The following JAZF1 variants were observed in gnomAD, a reference collection of about 807,000 sequenced individuals.
The protein encoded by JAZF1 is juxtaposed with another zinc finger protein 1.
JAZF1 carries 8 observed loss-of-function variants against 26.4 expected under a neutral mutation model. The observed-to-expected ratio is 0.30, with a 90% CI of 0.18 to 0.55. JAZF1 has a LOEUF of 0.55. Ranked by LOEUF, JAZF1 falls within the 20% of genes least tolerant of loss-of-function variation. The probability of loss-of-function intolerance (pLI) is 0.94; values close to 1 mark genes in which losing one functional copy is unlikely to be tolerated. For missense variants in JAZF1, 199 were observed against 322.0 expected, an observed-to-expected ratio of 0.62 and a Z score of 2.92; for synonymous variants, 126 against 122.3, an observed-to-expected ratio of 1.03 and a Z score of -0.20.
Position 28,140,923 on chromosome 7 carries a change from A to G in JAZF1, c.115+39540T>C, listed in dbSNP as rs376195894. On this transcript the variant is annotated intron_variant, in intron 1 of 4. Coordinates refer to ENST00000283928, the MANE Select transcript of JAZF1 (RefSeq NM_175061.4). ...AGCCATATAAGTGATGCTCAAATAT[A>G]ATTTGAACTGTTATAATGTTTTGAA... is the stretch of plus-strand genomic sequence containing the variant. 3.3e-5 allele frequency among the ~76,000 whole-genome samples: 5 copies of G among 152,332 alleles called. No individual in the cohort carries two copies. In the East Asian group the frequency reaches 9.6e-4, roughly 29 times the overall value.
chr7:27,972,037 T>C (rs545987228), intron 2 of JAZF1, among the ~76,000 whole-genome samples: 1 of 152,304 alleles, frequency 6.6e-6, no homozygotes, highest in Admixed American at 6.5e-5. Context: ...TACAACCTAC[T>C]GTGTAACAGT....
At chr7:27,927,341 T>A (rs1041280913) in intron 2 of JAZF1, among the ~76,000 whole-genome samples, 1 of 152,212 alleles carries the variant, frequency 6.6e-6, no homozygotes. Flanking sequence ...GAAGGTCACT[T>A]AGGAACATTA....
intron 2 of JAZF1, among the ~76,000 whole-genome samples, chr7:27,937,446 C>T (rs1784777416): frequency 6.6e-6 from 1 of 152,124 alleles, no homozygotes; most frequent in African/African-American, 2.4e-5. Flanking sequence ...GAGGCGGTTG[C>T]CATTAGTATT....
chr7:28,088,709 T>C (rs1784247112), intron 1 of JAZF1, among the ~76,000 whole-genome samples: 1 of 152,214 alleles, frequency 6.6e-6, no homozygotes. Flanking sequence ...TTCTCCTCTG[T>C]TAGAACTCTG....
At position 28,180,491 on chromosome 7, in the gene JAZF1, G is replaced by A. The variant is rs1277001584; in HGVS notation, c.87C>T (p.Leu29=). 2 of 1,611,166 alleles carry A rather than the reference G, an allele frequency of 1.2e-6. 1 individual carries two copies. Among genetic ancestry groups the A allele is most frequent in the South Asian group, 2.2e-5 (2 of 90,882 alleles). ...TGTGGTTGTCCTCGATGTGCTCGAT[G>A]AGGTCGGCCAGGGTGGGGAAGTGGA... ...CGLHFPTLAD[L]IEHIEDNHID... Residue 29 remains leucine, a synonymous_variant, in exon 1 of 5, where the codon CTC becomes CTT. Coordinates refer to ENST00000283928, the MANE Select transcript of JAZF1 (RefSeq NM_175061.4).
At chr7:27,926,684 C>T (rs189884428) in intron 2 of JAZF1, among the ~76,000 whole-genome samples, 2 of 152,318 alleles carry the variant, frequency 1.3e-5, no homozygotes, top group African/African-American at 4.8e-5. Flanking sequence ...AAGAATACTA[C>T]AAGACTCATT....
intron 3 of JAZF1, among the ~76,000 whole-genome samples, chr7:27,859,123 A>T (rs1197905824): frequency 6.6e-6 from 1 of 152,236 alleles, no homozygotes; most frequent in East Asian, 1.9e-4. Context: ...ATATGAAAAA[A>T]AGCTCATCAT....
intron 3 of JAZF1, among the ~76,000 whole-genome samples, chr7:27,887,706 G>A (rs1280853469): frequency 6.6e-6 from 1 of 152,164 alleles, no homozygotes; most frequent in Admixed American, 6.5e-5. Flanking sequence ...GTGAACCACT[G>A]TGCCTGGCCA....
chr7:27,933,771 T>C (rs1784722203), intron 2 of JAZF1, among the ~76,000 whole-genome samples: 1 of 152,166 alleles, frequency 6.6e-6, no homozygotes, highest in African/African-American at 2.4e-5. Context: ...GGCTACCTGC[T>C]GAGTTCTGGC....
intron 1 of JAZF1, among the ~76,000 whole-genome samples, chr7:28,095,193 C>T (rs1001402957): frequency 6.6e-6 from 1 of 152,214 alleles, no homozygotes; most frequent in African/African-American, 2.4e-5. Flanking sequence ...AATCATTCTA[C>T]ATATTTGTTC....
intron 1 of JAZF1, among the ~76,000 whole-genome samples, chr7:28,172,530 T>G (rs1413395074): frequency 1.3e-5 from 2 of 152,260 alleles, no homozygotes; most frequent in Non-Finnish European, 2.9e-5. Flanking sequence ...AATGGTGCAT[T>G]TCTAATAGTA....
intron 1 of JAZF1, among the ~76,000 whole-genome samples, chr7:28,114,330 C>A (rs1451331754): frequency 2.6e-5 from 4 of 152,036 alleles, no homozygotes; most frequent in East Asian, 3.9e-4. Context: ...CAGATAATTC[C>A]CATCTTCCAG....
intron 1 of JAZF1, among the ~76,000 whole-genome samples, chr7:28,062,171 T>G (rs1783808095): frequency 6.6e-6 from 1 of 152,164 alleles, no homozygotes; most frequent in Admixed American, 6.5e-5. Context: ...CGTCAGGTCA[T>G]CACTGTTCAA....
intron 1 of JAZF1, chr7:28,020,629 A>C (rs1782991632): frequency 2.1e-6 from 1 of 471,248 alleles, no homozygotes; most frequent in Non-Finnish European, 4.4e-6. Context: ...CAAAAGCATC[A>C]AACGTTTTCT....
At chr7:27,946,463 G>GA in intron 2 of JAZF1, among the ~76,000 whole-genome samples, 1 of 152,172 alleles carries the variant, frequency 6.6e-6, no homozygotes, top group Non-Finnish European at 1.5e-5. Context: ...TGTTTTAACT[G>GA]AAATTCTCCT....
At chr7:27,926,495 T>C (rs546913943) in intron 2 of JAZF1, among the ~76,000 whole-genome samples, 1 of 152,346 alleles carries the variant, frequency 6.6e-6, no homozygotes, top group African/African-American at 2.4e-5. Context: ...CAAGAAGACA[T>C]CAGACTTTCT....
At chr7:27,940,325 G>C (rs906037703) in intron 2 of JAZF1, among the ~76,000 whole-genome samples, 9 of 152,000 alleles carry the variant, frequency 5.9e-5, no homozygotes, top group African/African-American at 2.2e-4. Context: ...GCCACCCCCC[G>C]TGATCAGCCT....
At position 28,033,205 on chromosome 7, in the gene JAZF1, G is replaced by A. The variant is rs77809231; in HGVS notation, c.116-41224C>T. ...TCAAGTGAAAATAAGGAGACTGCAC[G>A]GCCACTGGGATGGAACATCGATTAT... is the stretch of plus-strand genomic sequence containing the variant. On this transcript the variant is annotated intron_variant, in intron 1 of 4. Coordinates refer to ENST00000283928, the MANE Select transcript of JAZF1 (RefSeq NM_175061.4). Among the ~76,000 whole-genome samples, 833 of 152,184 alleles carry A rather than the reference G, an allele frequency of 5.5e-3. 8 individuals carry two copies. Among genetic ancestry groups the A allele is most frequent in the African/African-American group, 0.019 (790 of 41,500 alleles).
intron 2 of JAZF1, among the ~76,000 whole-genome samples, chr7:27,916,952 G>T (rs1784451805): frequency 6.6e-6 from 1 of 152,170 alleles, no homozygotes; most frequent in South Asian, 2.1e-4. Context: ...AATAGCAACT[G>T]ACTAGGCCTG....
Sources: allele counts gnomAD v4.1 joint callset (sites outside exome capture counted in the v4.1 genomes callset), GRCh38; gene constraint gnomAD v4.1.1; transcripts MANE v1.5; gene names NCBI Gene and HGNC (gene_info 2026-07-23, HGNC 2026-07-21).